The following ABCA13 variants were observed in gnomAD, a reference collection of about 807,000 sequenced individuals.
ABCA13 encodes ATP binding cassette subfamily A member 13.
Under a neutral mutation model 478.7 loss-of-function variants are expected in ABCA13, and 476 were observed. That is an observed-to-expected ratio of 0.99 (90% CI 0.92 to 1.07). ABCA13 has a LOEUF of 1.07. Ranked by LOEUF, ABCA13 falls within the 50% of genes least tolerant of loss-of-function variation. ABCA13 has a pLI of 0.00. For missense variants in ABCA13, 6,060 were observed against 5,910.6 expected (o/e 1.03, Z -0.83); for synonymous variants, 2,252 against 2,158.9 (o/e 1.04, Z -1.20).
intron 31 of ABCA13, among the ~76,000 whole-genome samples, chr7:48,356,040 A>C (rs1809857839): frequency 6.6e-6 from 1 of 151,984 alleles, no homozygotes; most frequent in Non-Finnish European, 1.5e-5. Context: ...CCTCCCATGA[A>C]GAGGTAAATG....
chr7:48,178,717 G>GA (rs926283435), intron 1 of ABCA13, among the ~76,000 whole-genome samples: 162 of 143,326 alleles, frequency 1.1e-3, no homozygotes, highest in South Asian at 5.2e-3. Flanking sequence ...AAAATAAAAT[G>GA]AAAAAAAAAA....
Position 48,189,188 on chromosome 7 carries a change from G to A in ABCA13, c.70-3771G>A, listed in dbSNP as rs890044254. ...GGAAGGTCTGAGATGTGCGAGATAC[G>A]GTGAAGCCCTAGCATTAATCAGACA... On this transcript the variant is annotated intron_variant, in intron 1 of 61. Transcript: ENST00000435803. Among the ~76,000 whole-genome samples, 3 of 152,134 alleles carry A rather than the reference G, an allele frequency of 2.0e-5. 1 individual carries two copies. The highest frequency in any genetic ancestry group is 7.2e-5 in the African/African-American group (3 of 41,422).
At chr7:48,206,335 C>G (rs1013401457) in intron 3 of ABCA13, among the ~76,000 whole-genome samples, 2 of 152,180 alleles carry the variant, frequency 1.3e-5, no homozygotes, top group African/African-American at 4.8e-5. Flanking sequence ...ATTACAACTG[C>G]CTACAGTATT....
At chr7:48,513,345 C>T (rs577392289) in intron 51 of ABCA13, among the ~76,000 whole-genome samples, 3 of 152,106 alleles carry the variant, frequency 2.0e-5, no homozygotes, top group African/African-American at 7.2e-5. Context: ...CATGCCTAAT[C>T]GCAGTCTTAT....
At chr7:48,213,180 T>C (rs556086235) in intron 3 of ABCA13, among the ~76,000 whole-genome samples, 16 of 152,240 alleles carry the variant, frequency 1.1e-4, no homozygotes, top group Admixed American at 4.6e-4. Context: ...AGCTATTCTA[T>C]TTCATTAAAA....
chr7:48,462,083 T>TA (rs11395560), intron 43 of ABCA13, among the ~76,000 whole-genome samples: 28,501 of 152,024 alleles, frequency 0.19, 3,094 homozygotes, highest in African/African-American at 0.29. Flanking sequence ...TCTTCTGAGA[T>TA]AACAGGTGTT....
At chr7:48,262,659 A>G (rs565440366) in intron 15 of ABCA13, among the ~76,000 whole-genome samples, 18 of 151,770 alleles carry the variant, frequency 1.2e-4, no homozygotes, top group African/African-American at 4.3e-4. Context: ...TCTACTTTTC[A>G]CTGGATATTC....
intron 23 of ABCA13, among the ~76,000 whole-genome samples, chr7:48,306,517 C>T (rs1209738876): frequency 6.6e-6 from 1 of 152,246 alleles, no homozygotes; most frequent in African/African-American, 2.4e-5. Flanking sequence ...AAGAGAGGCT[C>T]CTCTTGTGAA....
chr7:48,239,213 T>A (rs1790432473), intron 8 of ABCA13, 28 bp from the exon 9 acceptor site: 1 of 1,612,040 alleles, frequency 6.2e-7, no homozygotes, highest in African/African-American at 1.3e-5. Context: ...GAGCTTTATG[T>A]CTAAATATTT....
intron 3 of ABCA13, among the ~76,000 whole-genome samples, chr7:48,214,692 T>G (rs1786177994): frequency 6.6e-6 from 1 of 152,210 alleles, no homozygotes; most frequent in African/African-American, 2.4e-5. Flanking sequence ...CTCTGCTAAC[T>G]TCAGACTTTC....
chr7:48,310,189 G>A (rs1801560779), intron 24 of ABCA13, 48 bp downstream of exon 24: 2 of 1,557,912 alleles, frequency 1.3e-6, no homozygotes, highest in Non-Finnish European at 1.7e-6. Context: ...GGACTCTGCT[G>A]TGGTGGCTGC....
intron 24 of ABCA13, among the ~76,000 whole-genome samples, chr7:48,310,905 C>A (rs1424789373): frequency 1.3e-5 from 2 of 152,180 alleles, no homozygotes; most frequent in Non-Finnish European, 2.9e-5. Flanking sequence ...CCAGAAGCTT[C>A]TCCTCCTTCT....
intron 32 of ABCA13, among the ~76,000 whole-genome samples, chr7:48,368,687 G>GTA (rs201820250): frequency 0.18 from 21,722 of 122,308 alleles, 1,773 homozygotes; most frequent in Middle Eastern, 0.26. Flanking sequence ...GTGTGTATGT[G>GTA]TATATATATA....
At chr7:48,287,852 G>A (rs1377416885) in intron 19 of ABCA13, 108 bp from the exon 20 acceptor site, 2 of 802,588 alleles carry the variant, frequency 2.5e-6, no homozygotes, top group Non-Finnish European at 4.1e-6. Context: ...TTTAAGAAAT[G>A]TTTAGGAATT....
chr7:48,371,351 A>G (rs1812603900), intron 32 of ABCA13, among the ~76,000 whole-genome samples: 4 of 152,164 alleles, frequency 2.6e-5, no homozygotes. Flanking sequence ...AATAGCATTG[A>G]ATCTATAAAT....
intron 59 of ABCA13, among the ~76,000 whole-genome samples, chr7:48,616,966 C>A (rs1262791238): frequency 6.6e-6 from 1 of 152,030 alleles, no homozygotes; most frequent in Non-Finnish European, 1.5e-5. Flanking sequence ...TCCAAGAGAT[C>A]GAGGCTGCAG....
At position 48,644,618 on chromosome 7, in the gene ABCA13, G is replaced by C. The variant is rs758427279; in HGVS notation, c.14945G>C (p.Gly4982Ala). 13 of 1,592,742 alleles carry C rather than the reference G, an allele frequency of 8.2e-6. No individual in the cohort carries two copies. Among genetic ancestry groups the C allele is most frequent in the Non-Finnish European group, 9.4e-6 (11 of 1,171,966 alleles). The change falls in exon 61 of 62, where the codon GGA (glycine) becomes GCA (alanine). Residue 4982 changes from glycine to alanine, a missense_variant and splice_region_variant. Physicochemically the swap from Gly to Ala is moderately conservative, Grantham distance 60. Coordinates refer to ENST00000435803, the MANE Select transcript of ABCA13 (RefSeq NM_152701.5). ...KLYFPGIQFKGQHLNLLEYHV... is the reference protein window; with the variant it reads ...KLYFPGIQFKAQHLNLLEYHV... ...TTTTTTTTTTTTTTTTGCTTTTAGGGACAGCACCTGAATTTATTAGAATAT... is the reference window on the plus strand; with the variant it reads ...TTTTTTTTTTTTTTTTGCTTTTAGGCACAGCACCTGAATTTATTAGAATAT...
intron 59 of ABCA13, among the ~76,000 whole-genome samples, chr7:48,619,711 GA>G (rs1792945147): frequency 6.6e-6 from 1 of 152,238 alleles, no homozygotes; most frequent in East Asian, 1.9e-4. Flanking sequence ...CCAAACCCAG[GA>G]AAAGCCGAGA....
At chr7:48,517,385 A>G (rs1419411214) in intron 52 of ABCA13, among the ~76,000 whole-genome samples, 1 of 152,068 alleles carries the variant, frequency 6.6e-6, no homozygotes, top group Non-Finnish European at 1.5e-5. Context: ...GAACAAATTT[A>G]ATTTTGCTGT....
Sources: allele counts gnomAD v4.1 joint callset (sites outside exome capture counted in the v4.1 genomes callset), GRCh38; gene constraint gnomAD v4.1.1; transcripts MANE v1.5; gene names NCBI Gene and HGNC (gene_info 2026-07-23, HGNC 2026-07-21).